Variants in UBR1 observed in about 807,000 individuals in gnomAD.
The protein encoded by UBR1 is ubiquitin protein ligase E3 component n-recognin 1.
A neutral mutation model predicts 242.1 loss-of-function variants in UBR1; 102 were observed. The ratio of observed to expected loss-of-function variants is 0.42; its 90% CI spans 0.36 to 0.50. The LOEUF (loss-of-function observed/expected upper bound fraction) is 0.50, where lower values mean the gene tolerates loss of function less well. Among genes scored for constraint, UBR1 ranks in the 20% least tolerant of loss-of-function variants. The pLI is 0.01. For missense variants in UBR1, 1,772 were observed against 2,101.8 expected, an observed-to-expected ratio of 0.84 and a Z score of 3.07; for synonymous variants, 675 against 684.8, an observed-to-expected ratio of 0.99 and a Z score of 0.22.
intron 1 of UBR1, among the ~76,000 whole-genome samples, chr15:43,101,127 C>T (rs1304032103): frequency 6.6e-6 from 1 of 152,156 alleles, no homozygotes; most frequent in Non-Finnish European, 1.5e-5. Flanking sequence ...TGGGCTTGTA[C>T]TAACAGGCCA....
intron 35 of UBR1, among the ~76,000 whole-genome samples, chr15:42,987,598 C>T (rs979530226): frequency 6.0e-5 from 9 of 151,236 alleles, no homozygotes; most frequent in African/African-American, 2.2e-4. Flanking sequence ...CCTGTAGTCC[C>T]AGCTACTCGG....
chr15:42,944,911 C>A lies in UBR1; in HGVS notation c.*418G>T. 4.6e-6 allele frequency: 1 copy of A among 217,642 alleles called. No homozygotes were observed. The highest frequency in any genetic ancestry group is 9.3e-6 in the Non-Finnish European group (1 of 107,622). The allele number at this position is 217,642 out of a possible 1,614,324, so 13.5% of individuals were successfully genotyped here. ...TCTTTAACTGCAAGGAAGACTATCA[C>A]AGATTATTAGAATTTTGTCAGTGAT... is the stretch of plus-strand genomic sequence containing the variant. On this transcript the variant is annotated 3_prime_UTR_variant, in exon 47 of 47. Coordinates refer to ENST00000290650, the MANE Select transcript of UBR1 (RefSeq NM_174916.3).
chr15:43,086,912 T>C (rs922403234), intron 1 of UBR1, among the ~76,000 whole-genome samples: 1 of 152,094 alleles, frequency 6.6e-6, no homozygotes, highest in Non-Finnish European at 1.5e-5. Context: ...GAGGCTGAAG[T>C]GGGAGGACTG....
intron 4 of UBR1, among the ~76,000 whole-genome samples, chr15:43,073,338 TA>T (rs1420194562): frequency 3.3e-5 from 5 of 152,180 alleles, no homozygotes; most frequent in African/African-American, 1.2e-4. Context: ...TAAATGTAAA[TA>T]CTGTTCCTCA....
intron 10 of UBR1, among the ~76,000 whole-genome samples, chr15:43,056,699 AAAAC>A (rs199934170): frequency 1.8e-4 from 27 of 152,304 alleles, no homozygotes; most frequent in Non-Finnish European, 2.4e-4. Context: ...CATAGGTTAA[AAAAC>A]AAACAAACAA....
At chr15:42,991,174 G>T (rs535238049) in intron 33 of UBR1, among the ~76,000 whole-genome samples, 1 of 151,816 alleles carries the variant, frequency 6.6e-6, no homozygotes, top group South Asian at 2.1e-4. Context: ...TACCTGAGAG[G>T]CTGAGGCAGA....
intron 15 of UBR1, among the ~76,000 whole-genome samples, chr15:43,039,137 G>A (rs1596113842): frequency 6.6e-6 from 1 of 151,666 alleles, no homozygotes; most frequent in African/African-American, 2.4e-5. Flanking sequence ...AAAAATAGAA[G>A]CAATATAAAA....
At chr15:42,952,536 T>C in intron 44 of UBR1, 88 bp from the exon 45 acceptor site, 1 of 1,424,584 alleles carries the variant, frequency 7.0e-7, no homozygotes, top group South Asian at 1.2e-5. Flanking sequence ...ATCAAGCATG[T>C]TTTCATCACT....
chr15:43,065,689 G>C (rs929339867), intron 6 of UBR1, among the ~76,000 whole-genome samples: 2 of 152,070 alleles, frequency 1.3e-5, no homozygotes, highest in South Asian at 4.1e-4. Flanking sequence ...ACATAATCTT[G>C]TTCCTTTTTA....
intron 3 of UBR1, 28 bp from the exon 4 acceptor site, chr15:43,075,117 G>T (rs746697056): frequency 2.0e-6 from 3 of 1,507,716 alleles, no homozygotes; most frequent in East Asian, 2.3e-5. Context: ...AGTTTGTCTT[G>T]ATTTCAAACA....
intron 44 of UBR1, among the ~76,000 whole-genome samples, chr15:42,954,901 G>T (rs1334253581): frequency 6.6e-6 from 1 of 151,976 alleles, no homozygotes; most frequent in East Asian, 1.9e-4. Context: ...AGGTGCGGTG[G>T]CTCACGTCTG....
chr15:42,951,033 C>T (rs2031825172), intron 45 of UBR1, among the ~76,000 whole-genome samples: 2 of 152,198 alleles, frequency 1.3e-5, no homozygotes, highest in East Asian at 3.8e-4. Flanking sequence ...GGCTTCCATA[C>T]ATTCTTTCCC....
chr15:42,954,408 C>A (rs915488466), intron 44 of UBR1, among the ~76,000 whole-genome samples: 1 of 152,132 alleles, frequency 6.6e-6, no homozygotes, highest in African/African-American at 2.4e-5. Context: ...TATACTGTAA[C>A]AGTGGCTAGG....
At chr15:43,035,981 A>G (rs964668321) in intron 19 of UBR1, among the ~76,000 whole-genome samples, 197 bp downstream of exon 19, 1 of 151,738 alleles carries the variant, frequency 6.6e-6, no homozygotes, top group African/African-American at 2.4e-5. Context: ...CTAATGCTAG[A>G]TGACGAGTTA....
intron 40 of UBR1, among the ~76,000 whole-genome samples, chr15:42,968,158 T>A (rs1293324861): frequency 1.3e-5 from 2 of 152,116 alleles, no homozygotes. Flanking sequence ...ACATTTATTT[T>A]AATTCTAAAT....
rs1482514390 is a variant in UBR1, at chr15:43,007,030, C to T, written c.3415+49G>A. On this transcript the variant is annotated intron_variant, in intron 30 of 46. Transcript: ENST00000290650. ...TCAAATAGTATTTTCTTTAATTACA[C>T]AGGCATGAAAAGAAATGCACAAAAG... is the stretch of plus-strand genomic sequence containing the variant. The T allele has an allele frequency of 8.3e-6, 13 of 1,569,872 alleles. No homozygotes were observed. In the Admixed American group the frequency reaches 1.5e-4, roughly 18 times the overall value.
Position 43,036,195 on chromosome 15 carries a change from T to A in UBR1, c.2173A>T (p.Ile725Leu). The A allele has an allele frequency of 6.2e-7, 1 of 1,613,336 alleles. No individual in the cohort carries two copies. The highest frequency in any genetic ancestry group is 8.5e-7 in the Non-Finnish European group (1 of 1,179,390). ...TTGTATACCTGGTCTTTTGTAGATA[T>A]GGTCTTGTTAAAAGCCTCGGCAAGT... ...YELAEAFNKT[I>L]STKDQDLIKQ... is the part of the protein sequence containing the mutation. Residue 725 changes from isoleucine to leucine, a missense_variant, in exon 19 of 47, where the codon ATA (isoleucine) becomes TTA (leucine). Ile to Leu is a conservative substitution (Grantham distance 5). Coordinates refer to ENST00000290650, the MANE Select transcript of UBR1 (RefSeq NM_174916.3).
At chr15:43,011,652 T>C (rs1194656585) in intron 29 of UBR1, among the ~76,000 whole-genome samples, 3 of 152,114 alleles carry the variant, frequency 2.0e-5, no homozygotes, top group Non-Finnish European at 4.4e-5. Context: ...GAGAACAAAG[T>C]AAATTAGGCA....
At chr15:42,972,290 A>G (rs557912122) in intron 39 of UBR1, among the ~76,000 whole-genome samples, 3 of 152,122 alleles carry the variant, frequency 2.0e-5, no homozygotes, top group Non-Finnish European at 4.4e-5. Context: ...CAACCTTTTC[A>G]AATTGACTTA....
Sources: gnomAD v4.1 joint callset for allele counts (sites outside exome capture counted in the v4.1 genomes callset) on GRCh38, gnomAD v4.1.1 for gene constraint, MANE v1.5 for transcripts, NCBI Gene and HGNC (gene_info 2026-07-23, HGNC 2026-07-21) for gene names.